Variants in CRYL1 observed in about 807,000 individuals in gnomAD.
CRYL1 encodes the protein crystallin lambda 1.
Under a neutral mutation model 36.6 loss-of-function variants are expected in CRYL1, and 29 were observed. That is an observed-to-expected ratio of 0.79 (90% CI 0.59 to 1.08). CRYL1 has a LOEUF of 1.08. CRYL1 is among the 50% of genes least tolerant of loss of function. The probability of loss-of-function intolerance (pLI) is 0.00; values close to 1 mark genes in which losing one functional copy is unlikely to be tolerated. For missense variants in CRYL1, 411 were observed against 407.9 expected, an observed-to-expected ratio of 1.01 and a Z score of -0.06; for synonymous variants, 152 against 151.5, an observed-to-expected ratio of 1.00 and a Z score of -0.02.
chr13:20,463,434 T>C (rs2032872040), intron 3 of CRYL1, among the ~76,000 whole-genome samples: 1 of 152,146 alleles, frequency 6.6e-6, no homozygotes, highest in Non-Finnish European at 1.5e-5. Flanking sequence ...CCTTCTCCTC[T>C]GGTATGTCAC....
chr13:20,420,701 T>TTTTTTTTTTTTTTTTTTG lies in CRYL1; in HGVS notation c.634-7315_634-7314insCAAAAAAAAAAAAAAAAA. On this transcript the variant is annotated intron_variant, in intron 5 of 7. Transcript: ENST00000298248. ...CTTTGACTTTTCTTTAAAATAGAGG[T>TTTTTTTTTTTTTTTTTTG]TGTGTGTGTGTGTGTGTGTGTGTGT... is the stretch of plus-strand genomic sequence containing the variant. Among the ~76,000 whole-genome samples the TTTTTTTTTTTTTTTTTTG allele has an allele frequency of 2.1e-3, 47 of 21,872 alleles. 5 individuals are homozygous for TTTTTTTTTTTTTTTTTTG. Among genetic ancestry groups the TTTTTTTTTTTTTTTTTTG allele is most frequent in the Non-Finnish European group, 3.1e-3 (23 of 7,322 alleles). 14.3% of individuals were successfully genotyped at this position (21,872 alleles called of 152,430 possible). A position where few individuals can be genotyped will look rare whatever the true frequency, so the allele number is the denominator to read the frequency against.
At chr13:20,420,847 T>C (rs1263314947) in intron 5 of CRYL1, among the ~76,000 whole-genome samples, 3 of 151,234 alleles carry the variant, frequency 2.0e-5, no homozygotes, top group Non-Finnish European at 3.0e-5. Flanking sequence ...GCGATTCTCC[T>C]GCCTCAGCCT....
At chr13:20,460,688 G>A (rs2032796828) in intron 3 of CRYL1, among the ~76,000 whole-genome samples, 1 of 151,888 alleles carries the variant, frequency 6.6e-6, no homozygotes, top group Admixed American at 6.6e-5. Context: ...ACTACGCCCG[G>A]CTAATTTTTT....
At chr13:20,460,777 C>T (rs532667516) in intron 3 of CRYL1, among the ~76,000 whole-genome samples, 1 of 152,132 alleles carries the variant, frequency 6.6e-6, no homozygotes, top group East Asian at 1.9e-4. Flanking sequence ...TGCCCGTCTC[C>T]GCCTCCCAAA....
intron 1 of CRYL1, among the ~76,000 whole-genome samples, chr13:20,520,216 CA>C (rs1313194624): frequency 3.3e-5 from 5 of 152,050 alleles, no homozygotes; most frequent in African/African-American, 1.2e-4. Context: ...AAACTGGAGA[CA>C]ATATGGATAA....
chr13:20,494,696 T>C (rs1488512426), intron 2 of CRYL1, among the ~76,000 whole-genome samples: 1 of 152,212 alleles, frequency 6.6e-6, no homozygotes, highest in African/African-American at 2.4e-5. Flanking sequence ...ATTAGACAGA[T>C]AATGGGAGAA....
intron 3 of CRYL1, among the ~76,000 whole-genome samples, chr13:20,456,918 C>T (rs35969293): frequency 0.029 from 4,454 of 152,302 alleles, 95 homozygotes; most frequent in Non-Finnish European, 0.042. Context: ...TGCACACCCA[C>T]GCTTCTTTGC....
Position 20,425,836 on chromosome 13 carries a change from G to A in CRYL1, c.633+6266C>T, listed in dbSNP as rs1461635169. ...ATGCAGTGGATTATGCGCAAACCTG[G>A]CTGACAGCATGAGATCAGGCCCCAG... On this transcript the variant is annotated intron_variant, in intron 5 of 7. Coordinates refer to ENST00000298248, the MANE Select transcript of CRYL1 (RefSeq NM_015974.3). The surrounding 1 kb of genome is among the most constrained non-coding windows in gnomAD (Gnocchi z 4.4). Among the ~76,000 whole-genome samples the A allele has an allele frequency of 2.0e-5, 3 of 152,006 alleles. No individual in the cohort carries two copies. The highest frequency in any genetic ancestry group is 2.9e-5 in the Non-Finnish European group (2 of 68,018).
At chr13:20,524,818 G>A (rs2034159766) in intron 1 of CRYL1, among the ~76,000 whole-genome samples, 1 of 152,140 alleles carries the variant, frequency 6.6e-6, no homozygotes, top group East Asian at 1.9e-4. Context: ...CAGTGGGAAG[G>A]AAACACCCTG....
chr13:20,512,253 C>T (rs982629999), intron 2 of CRYL1, among the ~76,000 whole-genome samples, 190 bp downstream of exon 2: 1 of 152,234 alleles, frequency 6.6e-6, no homozygotes, highest in African/African-American at 2.4e-5. Context: ...CCCATGGGAG[C>T]CCTTCCCCAG....
At chr13:20,486,033 C>T (rs1248211598) in intron 3 of CRYL1, among the ~76,000 whole-genome samples, 2 of 152,098 alleles carry the variant, frequency 1.3e-5, no homozygotes, top group African/African-American at 2.4e-5. Context: ...ATCCTCCCAC[C>T]TCAGCCTCCC....
rs2031318549 is a variant in CRYL1, at chr13:20,404,706, T to C, written c.775A>G (p.Ile259Val). The C allele has an allele frequency of 1.2e-6, 2 of 1,613,850 alleles. No homozygotes were observed. The highest frequency in any genetic ancestry group is 2.7e-5 in the African/African-American group (2 of 74,946). Reference sequence around the variant, plus strand: ...CCAAAAGTCTGTAGGACATGTTTTATGCCTTCGCTGTATCTGTCGCAGTAG... The same window carrying C: ...CCAAAAGTCTGTAGGACATGTTTTACGCCTTCGCTGTATCTGTCGCAGTAG... ...LSYCDRYSEGIKHVLQTFGPI... is the reference protein window; with the variant it reads ...LSYCDRYSEGVKHVLQTFGPI... Residue 259 changes from isoleucine (I) to valine (V), a missense_variant, in exon 7 of 8, where the codon ATA (isoleucine) becomes GTA (valine). Physicochemically the swap from Ile to Val is conservative, Grantham distance 29. Transcript: ENST00000298248.
chr13:20,441,296 T>C (rs149505985), intron 3 of CRYL1, among the ~76,000 whole-genome samples: 1 of 152,276 alleles, frequency 6.6e-6, no homozygotes, highest in Non-Finnish European at 1.5e-5. Context: ...TCAGAGTCTC[T>C]GGGGGTGGGT....
At chr13:20,512,817 G>A (rs1285529469) in intron 1 of CRYL1, among the ~76,000 whole-genome samples, 1 of 152,190 alleles carries the variant, frequency 6.6e-6, no homozygotes, top group Non-Finnish European at 1.5e-5. Context: ...GAGGGAGGAA[G>A]AGAGGTTGGT....
chr13:20,454,666 G>A (rs560971534), intron 3 of CRYL1, among the ~76,000 whole-genome samples: 87 of 152,086 alleles, frequency 5.7e-4, no homozygotes, highest in African/African-American at 2.0e-3. Context: ...TGATCCACCC[G>A]CCTCGGCCTC....
At chr13:20,463,059 G>A (rs7330176) in intron 3 of CRYL1, among the ~76,000 whole-genome samples, 146,066 of 152,166 alleles carry the variant, frequency 0.96, 70,370 homozygotes, top group East Asian at 1. Context: ...AACGGCAGCA[G>A]AACCCGAAGC....
chr13:20,440,582 A>AC (rs1294841787), intron 3 of CRYL1, among the ~76,000 whole-genome samples: 1 of 152,186 alleles, frequency 6.6e-6, no homozygotes, highest in Admixed American at 6.5e-5. Flanking sequence ...ACACAACAGC[A>AC]CCCCAGGCAA....
rs1347628835 is a variant in CRYL1 at position 20,481,909 on chromosome 13, C to T, written c.276+7461G>A. On this transcript the variant is annotated intron_variant, in intron 3 of 7. Transcript: ENST00000298248. This position sits in a 1 kb window ranked among gnomAD's most constrained non-coding sequence, Gnocchi z 4.1. ...CTGGGTGACAAAGGTGCGACTCCAT[C>T]TCGAAAGGAAAAAGAAAAAACACAT... Among the ~76,000 whole-genome samples the T allele has an allele frequency of 2.0e-5, 3 of 152,142 alleles. No homozygotes were observed. The highest frequency in any genetic ancestry group is 4.4e-5 in the Non-Finnish European group (3 of 67,994).
chr13:20,448,668 G>A (rs1474497755), intron 3 of CRYL1, among the ~76,000 whole-genome samples: 1 of 152,052 alleles, frequency 6.6e-6, no homozygotes, highest in Non-Finnish European at 1.5e-5. Context: ...TTTTTTAAGT[G>A]CTGAAAGAAA....
Sources: allele counts gnomAD v4.1 joint callset (sites outside exome capture counted in the v4.1 genomes callset), GRCh38; gene constraint gnomAD v4.1.1; non-coding constraint Gnocchi (gnomAD v3.1); transcripts MANE v1.5; gene names NCBI Gene and HGNC (gene_info 2026-07-23, HGNC 2026-07-21).